CENPP: variants seen among roughly 807,000 people sequenced by gnomAD.
CENPP encodes centromere protein P.
CENPP carries 24 observed loss-of-function variants against 35.6 expected under a neutral mutation model. The ratio of observed to expected loss-of-function variants is 0.67; its 90% CI spans 0.49 to 0.95. The LOEUF (loss-of-function observed/expected upper bound fraction) is 0.95. CENPP is among the 40% of genes least tolerant of loss of function. CENPP has a pLI of 0.00. For synonymous variants in CENPP, 120 were observed against 125.5 expected, an observed-to-expected ratio of 0.96 and a Z score of 0.29; for missense variants, 332 against 345.3, an observed-to-expected ratio of 0.96 and a Z score of 0.31.
At chr9:92,447,937 GTTGCTAC>G (rs1844594053) in intron 5 of CENPP, among the ~76,000 whole-genome samples, 1 of 152,170 alleles carries the variant, frequency 6.6e-6, no homozygotes, top group South Asian at 2.1e-4. Flanking sequence ...CTTCTGAAAG[GTTGCTAC>G]TTTTGAATGA....
intron 3 of CENPP, among the ~76,000 whole-genome samples, chr9:92,342,230 G>GC (rs1841144215): frequency 6.6e-6 from 1 of 152,244 alleles, no homozygotes; most frequent in African/African-American, 2.4e-5. Context: ...ACAAGTTCAT[G>GC]CAAAGGATGC....
At chr9:92,478,528 A>G (rs982665050) in intron 5 of CENPP, among the ~76,000 whole-genome samples, 1 of 152,048 alleles carries the variant, frequency 6.6e-6, no homozygotes, top group African/African-American at 2.4e-5. Context: ...ATCTTGGCTC[A>G]CTGCAACCTC....
chr9:92,519,236 A>G (rs1847916580), intron 5 of CENPP, among the ~76,000 whole-genome samples: 1 of 152,206 alleles, frequency 6.6e-6, no homozygotes, highest in African/African-American at 2.4e-5. Flanking sequence ...AAATACACAT[A>G]TGAGTTTCTT....
Position 92,329,481 on chromosome 9 carries a change from C to T in CENPP, c.108-2689C>T, listed in dbSNP as rs57438386. On this transcript the variant is annotated intron_variant, in intron 1 of 7. Coordinates refer to ENST00000375587, the MANE Select transcript of CENPP (RefSeq NM_001012267.3). ...GATTACGTGAGCCACCGTGCCCGGC[C>T]GCACATCATTTATATATGAAGATTG... is the stretch of plus-strand genomic sequence containing the variant. Among the ~76,000 whole-genome samples the T allele has an allele frequency of 4.0e-3, 610 of 152,232 alleles. 6 individuals carry two copies. The highest frequency in any genetic ancestry group is 0.013 in the African/African-American group (554 of 41,536).
intron 5 of CENPP, among the ~76,000 whole-genome samples, chr9:92,437,129 G>C (rs894230473): frequency 1.3e-5 from 2 of 152,146 alleles, no homozygotes. Flanking sequence ...TCAAACCCAG[G>C]GGTCGGAGGT....
At chr9:92,451,136 A>G (rs1380571718) in intron 5 of CENPP, among the ~76,000 whole-genome samples, 3 of 148,024 alleles carry the variant, frequency 2.0e-5, no homozygotes, top group African/African-American at 5.0e-5. Flanking sequence ...TTTTGTTGCC[A>G]TTGCTTTTGG....
intron 5 of CENPP, among the ~76,000 whole-genome samples, chr9:92,510,992 G>A (rs1262630981): frequency 2.0e-5 from 3 of 152,158 alleles, no homozygotes; most frequent in Non-Finnish European, 4.4e-5. Context: ...CTGCCCAAGG[G>A]AGTAACAGTT....
At chr9:92,387,832 G>C (rs12348488) in intron 5 of CENPP, among the ~76,000 whole-genome samples, 72,246 of 151,616 alleles carry the variant, frequency 0.48, 20,717 homozygotes, top group African/African-American at 0.81. Flanking sequence ...GTCATGATCT[G>C]AGCTCACTGC....
At chr9:92,339,481 C>T (rs1221912555) in intron 3 of CENPP, among the ~76,000 whole-genome samples, 1 of 151,750 alleles carries the variant, frequency 6.6e-6, no homozygotes, top group Admixed American at 6.6e-5. Flanking sequence ...TAGGGGTTGT[C>T]TAGACCCCCT....
At chr9:92,385,780 A>AT (rs754435795) in intron 5 of CENPP, 1 of 1,614,054 alleles carries the variant, frequency 6.2e-7, no homozygotes, top group Non-Finnish European at 8.5e-7. Context: ...AATTGAAGCT[A>AT]TGTTGTTGAA....
intron 4 of CENPP, among the ~76,000 whole-genome samples, chr9:92,346,558 C>T (rs1431463390): frequency 6.6e-6 from 1 of 152,130 alleles, no homozygotes; most frequent in Non-Finnish European, 1.5e-5. Flanking sequence ...AGTGTTATCA[C>T]AGTCCCAGGA....
chr9:92,454,449 T>G (rs1844813076), intron 5 of CENPP, among the ~76,000 whole-genome samples: 1 of 152,156 alleles, frequency 6.6e-6, no homozygotes, highest in African/African-American at 2.4e-5. Context: ...AGATGTTGGG[T>G]TTTTTCAATG....
chr9:92,569,064 G>A (rs1345620441), intron 5 of CENPP, among the ~76,000 whole-genome samples: 1 of 152,156 alleles, frequency 6.6e-6, no homozygotes, highest in African/African-American at 2.4e-5. Flanking sequence ...TTCTTTTGCT[G>A]TGCAGAAGCA....
At chr9:92,334,418 C>T (rs921732508) in intron 2 of CENPP, among the ~76,000 whole-genome samples, 1 of 151,914 alleles carries the variant, frequency 6.6e-6, no homozygotes, top group Non-Finnish European at 1.5e-5. Context: ...TGCGCCTGGC[C>T]GAGAGTAGTA....
intron 5 of CENPP, among the ~76,000 whole-genome samples, chr9:92,580,453 G>A (rs1042115312): frequency 6.6e-6 from 1 of 152,292 alleles, no homozygotes; most frequent in African/African-American, 2.4e-5. Flanking sequence ...TGGTTGGTAA[G>A]CTATTGATTA....
At chr9:92,475,337 A>G (rs1184617193) in intron 5 of CENPP, among the ~76,000 whole-genome samples, 1 of 152,200 alleles carries the variant, frequency 6.6e-6, no homozygotes, top group South Asian at 2.1e-4. Context: ...TCTTTTGTGA[A>G]ATAAAAAAAA....
intron 5 of CENPP, chr9:92,512,208 A>C (rs1847392788): frequency 1.2e-6 from 1 of 811,456 alleles, no homozygotes. Flanking sequence ...GTGCATAGAT[A>C]TCAAGAGAGA....
intron 5 of CENPP, chr9:92,417,711 C>T (rs1029333106): frequency 7.3e-6 from 4 of 548,204 alleles, no homozygotes; most frequent in Middle Eastern, 4.9e-4. Context: ...ATGGGCAGTG[C>T]TCAAACCAAA....
intron 5 of CENPP, among the ~76,000 whole-genome samples, chr9:92,383,778 T>G (rs1842325572): frequency 6.6e-6 from 1 of 152,150 alleles, no homozygotes; most frequent in Non-Finnish European, 1.5e-5. Context: ...CCCTTATCAT[T>G]ATCTTATCTA....
Sources: gnomAD v4.1 joint callset for allele counts (sites outside exome capture counted in the v4.1 genomes callset) on GRCh38, gnomAD v4.1.1 for gene constraint, MANE v1.5 for transcripts, NCBI Gene and HGNC (gene_info 2026-07-23, HGNC 2026-07-21) for gene names.